The following BAZ2B variants were observed in gnomAD, a reference collection of about 807,000 sequenced individuals.
BAZ2B encodes the protein bromodomain adjacent to zinc finger domain protein 2B.
BAZ2B carries 91 observed loss-of-function variants against 246.0 expected under a neutral mutation model. That is an observed-to-expected ratio of 0.37 (90% CI 0.31 to 0.44). The LOEUF (loss-of-function observed/expected upper bound fraction) is 0.44, where lower values mean the gene tolerates loss of function less well. BAZ2B is among the 20% of genes least tolerant of loss of function. The pLI is 1.00. For missense variants in BAZ2B, 2,332 were observed against 2,533.7 expected (o/e 0.92, Z 1.71); for synonymous variants, 855 against 860.0 (o/e 0.99, Z 0.10).
the BAZ2B span, among the ~76,000 whole-genome samples, chr2:159,703,338 C>T: frequency 2.6e-5 from 4 of 151,898 alleles, no homozygotes; most frequent in Non-Finnish European, 5.9e-5. Flanking sequence ...AGGTAATCTG[C>T]CCACCTCAGC....
intron 27 of BAZ2B, among the ~76,000 whole-genome samples, chr2:159,364,701 G>T (rs186503883): frequency 6.6e-6 from 1 of 152,246 alleles, no homozygotes; most frequent in East Asian, 1.9e-4. Context: ...ACTTCTGTTA[G>T]TAGCTTCTAT....
chr2:159,428,498 A>T (rs1399074258), intron 11 of BAZ2B, 79 bp from the exon 12 acceptor site: 1 of 1,047,824 alleles, frequency 9.5e-7, no homozygotes, highest in Non-Finnish European at 1.4e-6. Flanking sequence ...GTTAAAGTAT[A>T]CATGTTCTCT....
Position 159,433,313 on chromosome 2 carries a change from C to T in BAZ2B, c.1344G>A (p.Ser448=), listed in dbSNP as rs200722870. 1.9e-5 allele frequency: 30 copies of T among 1,613,912 alleles called. No individual in the cohort carries two copies. The South Asian group carries it at 2.3e-4, about 12-fold the overall frequency. Residue 448 remains serine, a synonymous_variant, in exon 9 of 37, where the codon TCG becomes TCA. Transcript: ENST00000392783. ...CTGCAATAACCTTCTTCAGGCTCTT[C>T]GATGACTCTTGTTTCTTTAACTGTG... is the stretch of plus-strand genomic sequence containing the variant. ...FPSQLKKQES[S]KSLKKVIAAL... is the part of the protein sequence containing the mutation.
intron 36 of BAZ2B, 116 bp from the exon 37 acceptor site, chr2:159,320,534 A>T: frequency 1.2e-6 from 1 of 806,218 alleles, no homozygotes; most frequent in South Asian, 2.1e-5. Flanking sequence ...AACTGCATTT[A>T]AATTGATATA....
intron 1 of BAZ2B, among the ~76,000 whole-genome samples, chr2:159,560,795 G>A (rs141466610): frequency 3.4e-4 from 51 of 152,120 alleles, no homozygotes; most frequent in Non-Finnish European, 6.3e-4. Flanking sequence ...CCAAAGTGCT[G>A]AGATTACAGG....
chr2:159,315,484 A>C (rs764989622), downstream of BAZ2B, among the ~76,000 whole-genome samples: 1 of 152,224 alleles, frequency 6.6e-6, no homozygotes, highest in African/African-American at 2.4e-5. Context: ...ATCCACTTCT[A>C]AGATGCCTCA....
chr2:159,476,456 G>T (rs1168707939), intron 3 of BAZ2B, among the ~76,000 whole-genome samples: 1 of 151,762 alleles, frequency 6.6e-6, no homozygotes, highest in African/African-American at 2.4e-5. Context: ...TCTAGACAAG[G>T]TTTCTAATGT....
intron 19 of BAZ2B, 123 bp downstream of exon 19, chr2:159,397,222 A>G (rs2064159427): frequency 2.4e-6 from 3 of 1,245,722 alleles, no homozygotes; most frequent in Non-Finnish European, 3.3e-6. Flanking sequence ...GTTGAAGGAA[A>G]AACTTAAGCA....
the BAZ2B span, among the ~76,000 whole-genome samples, chr2:159,629,256 G>A: frequency 1.3e-5 from 2 of 152,176 alleles, no homozygotes; most frequent in Admixed American, 1.3e-4. Context: ...CATTGTGGAA[G>A]ACAGTGTGGC....
intron 3 of BAZ2B, among the ~76,000 whole-genome samples, chr2:159,467,222 C>CCTA (rs2077177563): frequency 6.6e-6 from 1 of 152,152 alleles, no homozygotes; most frequent in Admixed American, 6.6e-5. Flanking sequence ...GGAGGATGTG[C>CCTA]AGCCTTATGT....
At chr2:159,430,817 A>G (rs1365833762) in intron 10 of BAZ2B, 46 bp downstream of exon 10, 3 of 1,559,078 alleles carry the variant, frequency 1.9e-6, no homozygotes, top group South Asian at 1.2e-5. Flanking sequence ...AATTCTTGCT[A>G]TGGTTTGACT....
At chr2:159,455,519 T>C (rs2075625461) in intron 3 of BAZ2B, among the ~76,000 whole-genome samples, 1 of 151,998 alleles carries the variant, frequency 6.6e-6, no homozygotes. Flanking sequence ...ATCCTCAAAG[T>C]ATCTTTACAA....
At chr2:159,353,402 C>T (rs950634067) in intron 27 of BAZ2B, among the ~76,000 whole-genome samples, 1 of 152,200 alleles carries the variant, frequency 6.6e-6, no homozygotes, top group Non-Finnish European at 1.5e-5. Context: ...GTGATTGCCC[C>T]AGCTTACTGC....
At chr2:159,526,158 T>C (rs184481341) in intron 2 of BAZ2B, among the ~76,000 whole-genome samples, 2 of 152,154 alleles carry the variant, frequency 1.3e-5, no homozygotes, top group East Asian at 1.9e-4. Flanking sequence ...AAAAATTGTA[T>C]TGTAGAAGTA....
intron 2 of BAZ2B, among the ~76,000 whole-genome samples, chr2:159,506,624 A>C (rs1465687189): frequency 6.6e-6 from 1 of 152,174 alleles, no homozygotes; most frequent in Non-Finnish European, 1.5e-5. Context: ...GATTACTATG[A>C]ATACTTCAGG....
At chr2:159,548,688 C>T (rs2087709761) in intron 2 of BAZ2B, among the ~76,000 whole-genome samples, 1 of 152,058 alleles carries the variant, frequency 6.6e-6, no homozygotes, top group Non-Finnish European at 1.5e-5. Flanking sequence ...AACTTCCATG[C>T]TTTGGGAGGC....
At chr2:159,680,818 T>C in the BAZ2B span, among the ~76,000 whole-genome samples, 4 of 152,174 alleles carry the variant, frequency 2.6e-5, no homozygotes, top group Non-Finnish European at 4.4e-5. Context: ...TACCAACCTA[T>C]TGCCCGGGAT....
chr2:159,604,932 T>TTGTGTG (rs144735173), intron 1 of BAZ2B, among the ~76,000 whole-genome samples: 26,271 of 123,154 alleles, frequency 0.21, 2,448 homozygotes, highest in Middle Eastern at 0.26. Context: ...TTAATATATT[T>TTGTGTG]TGTGTGTGTG....
intron 2 of BAZ2B, among the ~76,000 whole-genome samples, chr2:159,526,274 T>C (rs537757474): frequency 2.0e-5 from 3 of 152,228 alleles, no homozygotes; most frequent in South Asian, 4.1e-4. Context: ...ATTGATCACA[T>C]AAACTGGTAC....
Sources: allele counts gnomAD v4.1 joint callset (sites outside exome capture counted in the v4.1 genomes callset), GRCh38; gene constraint gnomAD v4.1.1; transcripts MANE v1.5; gene names NCBI Gene and HGNC (gene_info 2026-07-23, HGNC 2026-07-21).